Variants in PDE4D observed in about 807,000 individuals in gnomAD.
PDE4D encodes the protein 3',5'-cyclic-AMP phosphodiesterase 4D.
PDE4D carries 24 observed loss-of-function variants against 87.4 expected under a neutral mutation model. That is an observed-to-expected ratio of 0.27 (90% confidence interval 0.20 to 0.39). The LOEUF (loss-of-function observed/expected upper bound fraction) is 0.39. PDE4D is among the 10% of genes least tolerant of loss of function. The pLI, the probability that PDE4D is intolerant of heterozygous loss-of-function variation, is 1.00. For missense variants in PDE4D, 714 were observed against 1,041.0 expected (o/e 0.69, Z 4.32); for synonymous variants, 384 against 383.2 (o/e 1.00, Z -0.02).
chr5:59,266,891 C>T (rs1354476834), intron 1 of PDE4D, among the ~76,000 whole-genome samples: 2 of 152,010 alleles, frequency 1.3e-5, no homozygotes, highest in Non-Finnish European at 2.9e-5. Flanking sequence ...GATGTAGTTT[C>T]GACAGACCAA....
At chr5:60,350,556 C>T (rs1346210637) in intron 1 of PDE4D, among the ~76,000 whole-genome samples, 3 of 152,110 alleles carry the variant, frequency 2.0e-5, no homozygotes, top group Non-Finnish European at 4.4e-5. Context: ...AGGCCAAACA[C>T]AAGATATCAG....
intron 2 of PDE4D, among the ~76,000 whole-genome samples, chr5:60,010,015 G>A (rs2152844107): frequency 6.6e-6 from 1 of 152,048 alleles, no homozygotes. Flanking sequence ...TATAGAATGG[G>A]GAGTAATTTT....
In PDE4D at chr5:59,344,822, A is replaced by T. The variant is rs369965534; in HGVS notation, c.456-128854T>A. Among the ~76,000 whole-genome samples the T allele has an allele frequency of 7.2e-5, 11 of 152,272 alleles. No homozygotes were observed. The East Asian group carries it at 1.2e-3, about 16-fold the overall frequency. On this transcript the variant is annotated intron_variant, in intron 1 of 14. Coordinates refer to ENST00000340635, the MANE Select transcript of PDE4D (RefSeq NM_001104631.2). ...CTCTAATGTTTACTTATGTTCCCTC[A>T]TATGCCACAAAGTAGAGAGCCTTAA...
intron 4 of PDE4D, 37 bp from the exon 5 acceptor site, chr5:59,180,681 T>C (rs371179226): frequency 3.8e-6 from 6 of 1,566,102 alleles, no homozygotes; most frequent in Non-Finnish European, 5.3e-6. Flanking sequence ...AGTAAATATG[T>C]GGGGCTTATT....
chr5:60,191,765 G>C (rs991051912), intron 1 of PDE4D, among the ~76,000 whole-genome samples: 1 of 152,102 alleles, frequency 6.6e-6, no homozygotes, highest in Non-Finnish European at 1.5e-5. Flanking sequence ...GGGAGACCAA[G>C]GCAGGTGGAT....
intron 1 of PDE4D, among the ~76,000 whole-genome samples, chr5:59,508,198 A>C (rs950056645): frequency 6.6e-6 from 1 of 152,246 alleles, no homozygotes; most frequent in Admixed American, 6.5e-5. Flanking sequence ...CAGAGAAAGA[A>C]CTCACATTCA....
intron 1 of PDE4D, among the ~76,000 whole-genome samples, chr5:59,828,113 T>C (rs1770538514): frequency 1.3e-5 from 2 of 151,742 alleles, no homozygotes; most frequent in South Asian, 2.1e-4. Context: ...AAATACTTAG[T>C]AAAAATGATT....
intron 1 of PDE4D, among the ~76,000 whole-genome samples, chr5:59,456,966 A>G (rs185801018): frequency 3.3e-4 from 50 of 152,356 alleles, no homozygotes; most frequent in Admixed American, 1.2e-3. Flanking sequence ...GTTTCTCAAG[A>G]TGAAATCTAC....
At chr5:59,310,090 G>C (rs11959132) in intron 1 of PDE4D, among the ~76,000 whole-genome samples, 33,779 of 152,034 alleles carry the variant, frequency 0.22, 4,099 homozygotes, top group Admixed American at 0.32. Flanking sequence ...GGACTTCAGA[G>C]TCTGTACTGA....
At chr5:59,645,292 T>C (rs534612947) in intron 1 of PDE4D, among the ~76,000 whole-genome samples, 36 of 152,296 alleles carry the variant, frequency 2.4e-4, no homozygotes, top group African/African-American at 8.4e-4. Context: ...AGCTCCTTCC[T>C]AAGGCACTGG....
chr5:59,274,716 A>C (rs557140261), intron 1 of PDE4D, among the ~76,000 whole-genome samples: 127 of 152,292 alleles, frequency 8.3e-4, no homozygotes, highest in African/African-American at 2.9e-3. Flanking sequence ...CATTGGGGAA[A>C]TAATAGAACA....
intron 1 of PDE4D, among the ~76,000 whole-genome samples, chr5:59,248,298 T>C (rs558320940): frequency 1.3e-5 from 2 of 151,468 alleles, no homozygotes; most frequent in African/African-American, 4.8e-5. Flanking sequence ...TGTTATGTTT[T>C]GCCCCCAAAG....
upstream of PDE4D, among the ~76,000 whole-genome samples, chr5:60,492,919 GA>G (rs910526310): frequency 3.4e-4 from 50 of 146,038 alleles, no homozygotes; most frequent in African/African-American, 7.1e-4. Flanking sequence ...AAGAAGAAAA[GA>G]AAAAAAAAAT....
chr5:59,578,367 G>A (rs895322818), intron 1 of PDE4D, among the ~76,000 whole-genome samples: 9 of 152,004 alleles, frequency 5.9e-5, no homozygotes, highest in African/African-American at 2.2e-4. Context: ...GTATTCTTTG[G>A]AATCCCAAGA....
chr5:59,116,027 T>C (rs1449068275), intron 5 of PDE4D, among the ~76,000 whole-genome samples: 3 of 152,162 alleles, frequency 2.0e-5, no homozygotes, highest in African/African-American at 7.2e-5. Flanking sequence ...CTTATCTCAG[T>C]CGATGAATTA....
At chr5:59,965,346 T>C (rs1048684656) in intron 3 of PDE4D, among the ~76,000 whole-genome samples, 5 of 152,196 alleles carry the variant, frequency 3.3e-5, no homozygotes, top group African/African-American at 1.2e-4. Context: ...TCTAGCAGCA[T>C]GGTTGGCTTC....
chr5:59,872,300 C>CACACACACACACACACAGA, intron 1 of PDE4D, among the ~76,000 whole-genome samples: 2 of 146,974 alleles, frequency 1.4e-5, no homozygotes, highest in African/African-American at 5.2e-5. Flanking sequence ...CACACACACA[C>CACACACACACACACACAGA]AAGAGCACAC....
intron 1 of PDE4D, among the ~76,000 whole-genome samples, chr5:59,605,408 A>C (rs760275309): frequency 4.6e-5 from 7 of 152,124 alleles, no homozygotes; most frequent in South Asian, 2.1e-4. Context: ...AAAGAAAATC[A>C]AAACATCCCA....
intron 5 of PDE4D, among the ~76,000 whole-genome samples, chr5:59,048,263 C>T (rs995539874): frequency 3.9e-5 from 6 of 152,164 alleles, no homozygotes; most frequent in African/African-American, 4.8e-5. Flanking sequence ...ATGCTATTTA[C>T]GTATTCTTGT....
Sources: gnomAD v4.1 joint callset for allele counts (sites outside exome capture counted in the v4.1 genomes callset) on GRCh38, gnomAD v4.1.1 for gene constraint, MANE v1.5 for transcripts, NCBI Gene and HGNC (gene_info 2026-07-23, HGNC 2026-07-21) for gene names.